The following THADA variants were observed in gnomAD, a reference collection of about 807,000 sequenced individuals.
THADA encodes THADA armadillo repeat containing.
THADA carries 213 observed loss-of-function variants against 219.8 expected under a neutral mutation model. The ratio of observed to expected loss-of-function variants is 0.97; its 90% CI spans 0.87 to 1.09. The LOEUF is 1.09. THADA is among the 50% of genes least tolerant of loss of function. The pLI is 0.00. For missense variants in THADA, 2,956 were observed against 2,311.3 expected (o/e 1.28, Z -5.72); for synonymous variants, 1,018 against 828.9 (o/e 1.23, Z -3.92).
At chr2:43,488,121 C>A (rs1204183646) in intron 25 of THADA, among the ~76,000 whole-genome samples, 6 of 152,108 alleles carry the variant, frequency 3.9e-5, no homozygotes, top group Admixed American at 3.9e-4. Context: ...TTAGTTCATG[C>A]CATACCAACC....
intron 26 of THADA, among the ~76,000 whole-genome samples, chr2:43,445,402 G>C (rs1681392368): frequency 6.6e-6 from 1 of 152,206 alleles, no homozygotes; most frequent in South Asian, 2.1e-4. Flanking sequence ...AGACTGGGCT[G>C]ACACTAGCTT....
At chr2:43,417,582 G>C (rs1677155677) in intron 28 of THADA, among the ~76,000 whole-genome samples, 1 of 152,124 alleles carries the variant, frequency 6.6e-6, no homozygotes, top group Non-Finnish European at 1.5e-5. Flanking sequence ...TGCCCAAGGG[G>C]GGAAATATCT....
At chr2:43,377,629 T>C (rs1053267934) in intron 29 of THADA, among the ~76,000 whole-genome samples, 1 of 152,176 alleles carries the variant, frequency 6.6e-6, no homozygotes, top group Non-Finnish European at 1.5e-5. Context: ...TCTAGTTACC[T>C]TGCGGCCAGA....
At chr2:43,295,190 C>T (rs570960717) in intron 31 of THADA, among the ~76,000 whole-genome samples, 14 of 152,294 alleles carry the variant, frequency 9.2e-5, no homozygotes, top group African/African-American at 3.1e-4. Flanking sequence ...CCAGCCTGGG[C>T]GACAAAGTGA....
At chr2:43,593,278 G>GA (rs939778246) in intron 1 of THADA, among the ~76,000 whole-genome samples, 3 of 152,078 alleles carry the variant, frequency 2.0e-5, no homozygotes, top group African/African-American at 7.2e-5. Flanking sequence ...TAGTTTAGGG[G>GA]AAAAAAACAC....
chr2:43,448,877 C>G (rs1314470155), intron 26 of THADA, among the ~76,000 whole-genome samples: 1 of 152,060 alleles, frequency 6.6e-6, no homozygotes, highest in Non-Finnish European at 1.5e-5. Flanking sequence ...TAGATTCAAG[C>G]ATCCTGTTTC....
At chr2:43,365,430 G>T (rs966828977) in intron 29 of THADA, among the ~76,000 whole-genome samples, 1 of 151,912 alleles carries the variant, frequency 6.6e-6, no homozygotes, top group Non-Finnish European at 1.5e-5. Context: ...AATTAGCTGG[G>T]CGTGGTGGCA....
intron 36 of THADA, among the ~76,000 whole-genome samples, chr2:43,274,500 G>A (rs1384625945): frequency 6.6e-6 from 1 of 152,214 alleles, no homozygotes; most frequent in East Asian, 1.9e-4. Context: ...ATGAGGGCTA[G>A]TTGGGAAGAG....
chr2:43,293,091 T>C lies in THADA; in HGVS notation c.4561A>G (p.Arg1521Gly), dbSNP rs942366058. 6.8e-6 allele frequency: 11 copies of C among 1,613,958 alleles called. No individual in the cohort carries two copies. The highest frequency in any genetic ancestry group is 9.3e-6 in the Non-Finnish European group (11 of 1,179,880). ...GCCCACACTGCAGCAATGGCTAGTC[T>C]GGTGAGGCTCTGGAGGTACTGGGGC... Reference protein sequence around the residue: ...GLPQYLQSLTRLAIAAVWAAA... With the variant: ...GLPQYLQSLTGLAIAAVWAAA... The change falls in exon 32 of 38, where the codon AGA becomes GGA. Residue 1521 changes from arginine (R) to glycine (G), a missense_variant. Physicochemically the swap from Arg to Gly is moderately radical, Grantham distance 125. Coordinates refer to ENST00000405975, the MANE Select transcript of THADA (RefSeq NM_022065.5).
At chr2:43,513,561 G>A (rs1574018269) in intron 22 of THADA, among the ~76,000 whole-genome samples, 1 of 152,138 alleles carries the variant, frequency 6.6e-6, no homozygotes, top group African/African-American at 2.4e-5. Context: ...GGCACAGGGG[G>A]CCTCTGAATC....
chr2:43,578,611 T>C lies in THADA; in HGVS notation c.722-4A>G. On this transcript the variant is annotated splice_polypyrimidine_tract_variant and splice_region_variant and intron_variant, in intron 8 of 37. Transcript: ENST00000405975. ...TGTACAGTCTGTAACAGATCATCTA[T>C]TTGGCAAAAAAGGAGAGAAGCTTGT... is the stretch of plus-strand genomic sequence containing the variant. 1 of 1,581,930 alleles carries C rather than the reference T, an allele frequency of 6.3e-7. No individual in the cohort carries two copies. Among genetic ancestry groups the C allele is most frequent in the South Asian group, 1.2e-5 (1 of 86,262 alleles).
chr2:43,289,227 T>C (rs570888596), intron 34 of THADA, among the ~76,000 whole-genome samples: 2 of 152,384 alleles, frequency 1.3e-5, no homozygotes, highest in East Asian at 3.9e-4. Context: ...TTGATAAACA[T>C]CTGGATTGTT....
At chr2:43,528,934 C>T (rs764879770) in intron 21 of THADA, among the ~76,000 whole-genome samples, 1 of 152,090 alleles carries the variant, frequency 6.6e-6, no homozygotes, top group East Asian at 1.9e-4. Context: ...TTCATCTTCC[C>T]AAATGGAAAC....
In THADA at chr2:43,463,802, C is replaced by T. The variant is rs1683917735; in HGVS notation, c.3836+21432G>A. Among the ~76,000 whole-genome samples, 3 of 152,122 alleles carry T rather than the reference C, an allele frequency of 2.0e-5. No individual in the cohort carries two copies. The South Asian group carries it at 6.2e-4, about 32-fold the overall frequency. ...AATTTTACATTAATTAATCTTTCTT[C>T]CAATAACTAAAGTATATGAAATCAG... On this transcript the variant is annotated intron_variant, in intron 26 of 37. Coordinates refer to ENST00000405975, the MANE Select transcript of THADA (RefSeq NM_022065.5).
intron 36 of THADA, among the ~76,000 whole-genome samples, chr2:43,253,101 C>G (rs1420254679): frequency 6.6e-6 from 1 of 152,168 alleles, no homozygotes; most frequent in Non-Finnish European, 1.5e-5. Context: ...TCTAATGACT[C>G]TTTTGAAACA....
intron 29 of THADA, among the ~76,000 whole-genome samples, chr2:43,361,666 T>G (rs1372462843): frequency 6.6e-6 from 1 of 152,268 alleles, no homozygotes; most frequent in African/African-American, 2.4e-5. Flanking sequence ...CTGTGGTGAT[T>G]GTCCCAGAAA....
chr2:43,273,633 G>T (rs1672387529), intron 36 of THADA, among the ~76,000 whole-genome samples: 1 of 152,196 alleles, frequency 6.6e-6, no homozygotes, highest in Non-Finnish European at 1.5e-5. Context: ...CCTGCTGCGG[G>T]TCTGAGACTG....
intron 36 of THADA, among the ~76,000 whole-genome samples, chr2:43,250,691 G>A (rs546266575): frequency 1.3e-5 from 2 of 151,428 alleles, no homozygotes; most frequent in South Asian, 2.1e-4. Context: ...TAGTGAGATC[G>A]TTTCTCTATA....
At chr2:43,284,741 C>T (rs1673784967) in intron 35 of THADA, among the ~76,000 whole-genome samples, 1 of 152,218 alleles carries the variant, frequency 6.6e-6, no homozygotes. Context: ...ACAGCTTGCA[C>T]TGTGTGCCTG....
Sources: allele counts gnomAD v4.1 joint callset (sites outside exome capture counted in the v4.1 genomes callset), GRCh38; gene constraint gnomAD v4.1.1; transcripts MANE v1.5; gene names NCBI Gene and HGNC (gene_info 2026-07-23, HGNC 2026-07-21).